The following B3GNT3 variants were observed in gnomAD, a reference collection of about 807,000 sequenced individuals.
The protein encoded by B3GNT3 is UDP-GlcNAc:betaGal beta-1,3-N-acetylglucosaminyltransferase 3, also known as N-acetyllactosaminide beta-1,3-N-acetylglucosaminyltransferase 3.
In B3GNT3, 7 loss-of-function variants were observed where a neutral mutation model predicts 11.6. The observed-to-expected ratio is 0.60, with a 90% CI of 0.34 to 1.13. The LOEUF (loss-of-function observed/expected upper bound fraction) is 1.13. Among genes scored for constraint, B3GNT3 ranks in the 50% most tolerant of loss-of-function variants. The pLI, the probability that B3GNT3 is intolerant of heterozygous loss-of-function variation, is 0.03. For synonymous variants in B3GNT3, 201 were observed against 222.1 expected (o/e 0.90, Z 0.85); for missense variants, 400 against 507.4 (o/e 0.79, Z 2.03).
In B3GNT3 at chr19:17,798,243, A is replaced by C. The variant is rs77077034; in HGVS notation, c.-51+3037A>C. Among the ~76,000 whole-genome samples the C allele has an allele frequency of 5.4e-3, 825 of 152,326 alleles. 8 individuals carry two copies. Among genetic ancestry groups the C allele is most frequent in the African/African-American group, 0.018 (765 of 41,570 alleles). ...TTAGTGGTGTATCAGCGTCCTGGGCACACGAGTGTTTCTCTCCATCATCTT... is the reference window on the plus strand; with the variant it reads ...TTAGTGGTGTATCAGCGTCCTGGGCCCACGAGTGTTTCTCTCCATCATCTT... On this transcript the variant is annotated intron_variant, in intron 1 of 2. Transcript: ENST00000318683.
At position 17,811,050 on chromosome 19, in the gene B3GNT3, A is replaced by C. The variant is rs1328381123; in HGVS notation, c.568-521A>C. Among the ~76,000 whole-genome samples, 3 of 151,878 alleles carry C rather than the reference A, an allele frequency of 2.0e-5. No individual in the cohort carries two copies. Among genetic ancestry groups the C allele is most frequent in the Admixed American group, 2.0e-4 (3 of 15,214 alleles). On this transcript the variant is annotated intron_variant, in intron 2 of 2. Transcript: ENST00000318683. The surrounding 1 kb of genome is among the most constrained non-coding windows in gnomAD (Gnocchi z 4.1). ...ATAGCAAGATCCCATCTCTTAAAAA[A>C]AAAAAAATTATTAGCCAGGAGTAAG...
intron 2 of B3GNT3, among the ~76,000 whole-genome samples, chr19:17,809,103 G>A (rs950145115): frequency 6.6e-5 from 10 of 152,070 alleles, no homozygotes; most frequent in African/African-American, 2.4e-4. Flanking sequence ...CAAAGTGCTG[G>A]GATTACAGGC....
intron 1 of B3GNT3, among the ~76,000 whole-genome samples, chr19:17,799,809 G>T (rs2094163878): frequency 6.6e-6 from 1 of 151,552 alleles, no homozygotes; most frequent in Non-Finnish European, 1.5e-5. Flanking sequence ...GGGTATCCAG[G>T]CCTGGGAGTC....
chr19:17,808,269 C>A lies in B3GNT3; in HGVS notation c.462C>A (p.His154Gln). 6.2e-7 allele frequency: 1 copy of A among 1,613,580 alleles called. No individual in the cohort carries two copies. The highest frequency in any genetic ancestry group is 8.5e-7 in the Non-Finnish European group (1 of 1,179,966). Residue 154 changes from histidine (H) to glutamine (Q), a missense_variant, in exon 2 of 3, where the codon CAC becomes CAA. His to Gln is a conservative substitution (Grantham distance 24). Coordinates refer to ENST00000318683, the MANE Select transcript of B3GNT3 (RefSeq NM_014256.4). ...TGGTGGGCACAGCCTCCAACCCGCA[C>A]GAGGCCCGCAAGGTCAACCGGCTGC... ...LFLVGTASNPHEARKVNRLLE... is the reference protein window; with the variant it reads ...LFLVGTASNPQEARKVNRLLE...
intron 1 of B3GNT3, among the ~76,000 whole-genome samples, chr19:17,806,810 G>C (rs2094173519): frequency 6.6e-6 from 1 of 151,936 alleles, no homozygotes; most frequent in Admixed American, 6.6e-5. Flanking sequence ...AAATTAACTG[G>C]GCGTGGTGGC....
At chr19:17,805,259 C>A (rs1019747637) in intron 1 of B3GNT3, among the ~76,000 whole-genome samples, 1 of 151,632 alleles carries the variant, frequency 6.6e-6, no homozygotes, top group Non-Finnish European at 1.5e-5. Flanking sequence ...ATCATCACGC[C>A]GGCTAACTTT....
chr19:17,809,142 C>A (rs2094177512), intron 2 of B3GNT3, among the ~76,000 whole-genome samples: 1 of 151,968 alleles, frequency 6.6e-6, no homozygotes, highest in South Asian at 2.1e-4. Flanking sequence ...CCAACATCTC[C>A]TTGTTTATTT....
chr19:17,812,128 C>T lies in B3GNT3; in HGVS notation c.*6C>T, dbSNP rs2094181975. The T allele has an allele frequency of 1.3e-6, 2 of 1,579,490 alleles. No homozygotes were observed. Among genetic ancestry groups the T allele is most frequent in the Non-Finnish European group, 1.7e-6 (2 of 1,169,676 alleles). On this transcript the variant is annotated 3_prime_UTR_variant, in exon 3 of 3. Transcript: ENST00000318683. ...ATCAGACACAGATCTACTGAGTCAGCATCAGGGTCCCCAGCCTCTGGGCTC... is the reference window on the plus strand; with the variant it reads ...ATCAGACACAGATCTACTGAGTCAGTATCAGGGTCCCCAGCCTCTGGGCTC...
chr19:17,803,500 C>T (rs915616287), intron 1 of B3GNT3, among the ~76,000 whole-genome samples: 2 of 152,116 alleles, frequency 1.3e-5, no homozygotes, highest in African/African-American at 2.4e-5. Context: ...CGCACTGGCA[C>T]GTGAAGTGCA....
chr19:17,799,755 G>A (rs12609290), intron 1 of B3GNT3, among the ~76,000 whole-genome samples: 2,981 of 151,478 alleles, frequency 0.02, 64 homozygotes, highest in East Asian at 0.091. Context: ...GGCAGAGACT[G>A]AGAGCCAGCG....
Position 17,807,963 on chromosome 19 carries a change from A to G in B3GNT3, c.156A>G (p.Pro52=). 2.3e-4 allele frequency: 276 copies of G among 1,221,672 alleles called. No individual in the cohort carries two copies. The highest frequency in any genetic ancestry group is 2.9e-4 in the Non-Finnish European group (252 of 864,990). 75.7% of individuals were successfully genotyped at this position (1,221,672 alleles called of 1,614,324 possible). The part of the protein sequence containing the change: ...AIPEALAWPT[P]PTRPAPAPCH... Reference sequence around the variant, plus strand: ...CCGAGGCCCTGGCCTGGCCCACTCCACCCACCCGCCCAGCCCCGGCCCCGT... The same window carrying G: ...CCGAGGCCCTGGCCTGGCCCACTCCGCCCACCCGCCCAGCCCCGGCCCCGT... The change falls in exon 2 of 3, where the codon CCA becomes CCG. Residue 52 remains proline (P), a synonymous_variant. Transcript: ENST00000318683.
At position 17,808,349 on chromosome 19, in the gene B3GNT3, CCTT is replaced by C. The variant is rs752969910; in HGVS notation, c.547_549del (p.Phe183del). 6.8e-6 allele frequency: 11 copies of C among 1,608,330 alleles called. No homozygotes were observed. The highest frequency in any genetic ancestry group is 1.6e-4 in the Middle Eastern group (1 of 6,068). On this transcript the variant is annotated inframe_deletion, in exon 2 of 3. Transcript: ENST00000318683. ...ATCCTGCAGTGGGACTTCCACGACTCCTTCTTCAACCTCACGCTCAAGCAGGTG... is the reference window on the plus strand; with the variant it reads ...ATCCTGCAGTGGGACTTCCACGACTCCTTCAACCTCACGCTCAAGCAGGTG...
rs1380468778 is a variant in B3GNT3 at position 17,811,182 on chromosome 19, C to G, written c.568-389C>G. Among the ~76,000 whole-genome samples, 5 of 152,184 alleles carry G rather than the reference C, an allele frequency of 3.3e-5. No homozygotes were observed. Among genetic ancestry groups the G allele is most frequent in the Non-Finnish European group, 7.3e-5 (5 of 68,034 alleles). ...TGAACTATGATCATAGCGCTACACTCTAGCCTGGGCAATAGAGCAAGACCC... is the reference window on the plus strand; with the variant it reads ...TGAACTATGATCATAGCGCTACACTGTAGCCTGGGCAATAGAGCAAGACCC... On this transcript the variant is annotated intron_variant, in intron 2 of 2. Coordinates refer to ENST00000318683, the MANE Select transcript of B3GNT3 (RefSeq NM_014256.4). The surrounding 1 kb of genome is among the most constrained non-coding windows in gnomAD (Gnocchi z 4.1).
rs769887503 is a variant in B3GNT3, at chr19:17,811,787, G to A, written c.784G>A (p.Glu262Lys). The A allele has an allele frequency of 1.9e-6, 3 of 1,614,112 alleles. No homozygotes were observed. The highest frequency in any genetic ancestry group is 1.7e-5 in the Admixed American group (1 of 59,996). The stretch of plus-strand genomic sequence containing the variant: ...TGTGCCAGAGGTGGTGACTCAGAAT[G>A]AGCGGTACCCACCCTATTGTGGGGG... ...YYVPEVVTQN[E>K]RYPPYCGGGG... is the part of the protein sequence containing the mutation. The change falls in exon 3 of 3, where the codon GAG becomes AAG. Residue 262 changes from glutamate to lysine, a missense_variant. Physicochemically the swap from Glu to Lys is moderately conservative, Grantham distance 56. Coordinates refer to ENST00000318683, the MANE Select transcript of B3GNT3 (RefSeq NM_014256.4). The surrounding 1 kb of genome is among the most constrained non-coding windows in gnomAD (Gnocchi z 4.1).
At chr19:17,807,676 G>A in intron 1 of B3GNT3, 82 bp from the exon 2 acceptor site, 1 of 874,258 alleles carries the variant, frequency 1.1e-6, no homozygotes, top group Non-Finnish European at 1.7e-6. Flanking sequence ...CTGAGCAACT[G>A]TACAGGTGCA....
upstream of B3GNT3, chr19:17,794,895 A>G (rs2094157618): frequency 6.6e-6 from 1 of 152,284 alleles, no homozygotes; most frequent in African/African-American, 2.4e-5. Flanking sequence ...TGGGGTCGTG[A>G]GCCCCGAGAG....
chr19:17,808,164 C>G lies in B3GNT3; in HGVS notation c.357C>G (p.Asn119Lys). 10 of 1,611,900 alleles carry G rather than the reference C, an allele frequency of 6.2e-6. No homozygotes were observed. Among genetic ancestry groups the G allele is most frequent in the Non-Finnish European group, 8.5e-6 (10 of 1,178,742 alleles). Residue 119 changes from asparagine to lysine, a missense_variant, in exon 2 of 3, where the codon AAC becomes AAG. Coordinates refer to ENST00000318683, the MANE Select transcript of B3GNT3 (RefSeq NM_014256.4). Reference protein sequence around the residue: ...LLLVIKSSPSNYVRRELLRRT... With the variant: ...LLLVIKSSPSKYVRRELLRRT... ...TGGTGATCAAGTCCTCCCCTAGCAA[C>G]TATGTGCGCCGCGAGCTGCTGCGGC...
chr19:17,802,859 T>G (rs2094167991), intron 1 of B3GNT3, among the ~76,000 whole-genome samples: 1 of 151,944 alleles, frequency 6.6e-6, no homozygotes, highest in Non-Finnish European at 1.5e-5. Flanking sequence ...TTTACTTTTT[T>G]TTTTAATTTT....
chr19:17,806,306 G>A (rs146552696), intron 1 of B3GNT3, among the ~76,000 whole-genome samples: 4 of 151,948 alleles, frequency 2.6e-5, no homozygotes, highest in East Asian at 1.9e-4. Context: ...TTGTAGAGAC[G>A]GGGTTTCACC....
Sources: allele counts gnomAD v4.1 joint callset (sites outside exome capture counted in the v4.1 genomes callset), GRCh38; gene constraint gnomAD v4.1.1; non-coding constraint Gnocchi (gnomAD v3.1); transcripts MANE v1.5; gene names NCBI Gene and HGNC (gene_info 2026-07-23, HGNC 2026-07-21).